PLRG1: variants seen among roughly 807,000 people sequenced by gnomAD.
PLRG1 encodes pleiotropic regulator 1 (PRL1 homolog, Arabidopsis).
A neutral mutation model predicts 74.9 loss-of-function variants in PLRG1; 28 were observed. That is an observed-to-expected ratio of 0.37 (90% CI 0.28 to 0.51). PLRG1 has a LOEUF of 0.51. Ranked by LOEUF, PLRG1 falls within the 20% of genes least tolerant of loss-of-function variation. The probability of loss-of-function intolerance (pLI) is 0.91; values close to 1 mark genes in which losing one functional copy is unlikely to be tolerated. For synonymous variants in PLRG1, 197 were observed against 212.4 expected, an observed-to-expected ratio of 0.93 and a Z score of 0.63; for missense variants, 445 against 631.9, an observed-to-expected ratio of 0.70 and a Z score of 3.17.
At position 154,537,999 on chromosome 4, in the gene PLRG1, C is replaced by A; in HGVS notation, c.1261G>T (p.Val421Leu). 1 of 1,529,412 alleles carries A rather than the reference C, an allele frequency of 6.5e-7. No individual in the cohort carries two copies. The highest frequency in any genetic ancestry group is 1.3e-5 in the South Asian group (1 of 76,136). The allele number at this position is 1,529,412 out of a possible 1,614,324, so 94.7% of individuals were successfully genotyped here. ...GATACAAGCACTCCATCAGAATTTA[C>A]CGTCAATGTGTTAATAATAGCATTA... ...GHNAIINTLT[V>L]NSDGVLVSGA... The change falls in exon 13 of 15, where the codon GTA becomes TTA. Residue 421 changes from valine (V) to leucine (L), a missense_variant. By Grantham distance (32) the Val-to-Leu change is conservative (BLOSUM62 1). Coordinates refer to ENST00000499023, the MANE Select transcript of PLRG1 (RefSeq NM_002669.4).
At chr4:154,542,415 T>C (rs1729571124) in intron 7 of PLRG1, 136 bp from the exon 8 acceptor site, 2 of 617,042 alleles carry the variant, frequency 3.2e-6, no homozygotes, top group Non-Finnish European at 5.9e-6. Context: ...TACAATAATA[T>C]GAAATTATCT....
At chr4:154,541,773 T>G (rs1199998033) in intron 8 of PLRG1, among the ~76,000 whole-genome samples, 1 of 152,168 alleles carries the variant, frequency 6.6e-6, no homozygotes, top group Non-Finnish European at 1.5e-5. Flanking sequence ...GAAAAGAGCT[T>G]AGAAGTGAAG....
intron 3 of PLRG1, 153 bp downstream of exon 3, chr4:154,547,558 G>C: frequency 1.5e-6 from 1 of 674,162 alleles, no homozygotes; most frequent in South Asian, 1.8e-5. Context: ...GTATTCCCAT[G>C]AGGATCAAAA....
intron 8 of PLRG1, 79 bp from the exon 9 acceptor site, chr4:154,541,013 G>A (rs1729546978): frequency 1.8e-6 from 2 of 1,090,318 alleles, no homozygotes; most frequent in East Asian, 5.4e-5. Flanking sequence ...TATTAAAACT[G>A]AGCTTTCAAA....
Position 154,536,531 on chromosome 4 carries a change from T to C in PLRG1, c.*154A>G, listed in dbSNP as rs534385051. ...GGGGTAGGGGACAGGGGACAGTTTA[T>C]TGTAAAATATGAAGCAGCAATGATT... On this transcript the variant is annotated 3_prime_UTR_variant, in exon 15 of 15. Transcript: ENST00000499023. 3.8e-5 allele frequency: 24 copies of C among 628,174 alleles called. No homozygotes were observed. Among genetic ancestry groups the C allele is most frequent in the East Asian group, 3.1e-4 (11 of 35,236 alleles). 38.9% of individuals were successfully genotyped at this position (628,174 alleles called of 1,614,324 possible).
At chr4:154,539,915 T>C (rs1293725391) in intron 11 of PLRG1, 36 bp downstream of exon 11, 1 of 958,406 alleles carries the variant, frequency 1.0e-6, no homozygotes, top group Non-Finnish European at 1.7e-6. Flanking sequence ...GATTCTGACA[T>C]GAATATTCTG....
At chr4:154,539,617 A>G (rs12645631) in intron 11 of PLRG1, among the ~76,000 whole-genome samples, 135,974 of 152,102 alleles carry the variant, frequency 0.89, 61,029 homozygotes, top group African/African-American at 0.97. Context: ...AGTTCTAAAG[A>G]TTACTAGTCT....
intron 1 of PLRG1, 45 bp downstream of exon 1, chr4:154,550,253 AAC>A (rs1418747066): frequency 1.3e-6 from 2 of 1,581,452 alleles, no homozygotes; most frequent in Admixed American, 1.7e-5. Context: ...TGCCAAAAAA[AAC>A]AGTCCAGAGA....
intron 14 of PLRG1, 36 bp from the exon 15 acceptor site, chr4:154,536,780 T>A (rs748273412): frequency 8.6e-7 from 1 of 1,159,116 alleles, no homozygotes; most frequent in East Asian, 2.4e-5. Flanking sequence ...TAAAGTATTA[T>A]TAGTTTGCTT....
intron 10 of PLRG1, chr4:154,540,372 A>C (rs1411565329): frequency 1.7e-6 from 1 of 586,632 alleles, no homozygotes; most frequent in African/African-American, 1.9e-5. Flanking sequence ...AGAATATCAC[A>C]TTTCAGGGGC....
Position 154,550,371 on chromosome 4 carries a change from C to G in PLRG1, c.-63G>C, listed in dbSNP as rs1379328133. ...CTCTAATCACTAACGCAGTACCCGCCGCCACAGCTGTGCAGCACCTTCCGG... is the reference window on the plus strand; with the variant it reads ...CTCTAATCACTAACGCAGTACCCGCGGCCACAGCTGTGCAGCACCTTCCGG... On this transcript the variant is annotated 5_prime_UTR_variant, in exon 1 of 15. Coordinates refer to ENST00000499023, the MANE Select transcript of PLRG1 (RefSeq NM_002669.4). 5 of 1,514,724 alleles carry G rather than the reference C, an allele frequency of 3.3e-6. No homozygotes were observed. In the African/African-American group the frequency reaches 6.9e-5, roughly 21 times the overall value. The allele number at this position is 1,514,724 out of a possible 1,614,324, so 93.8% of individuals were successfully genotyped here.
At chr4:154,547,976 T>C in intron 2 of PLRG1, 123 bp from the exon 3 acceptor site, 4 of 675,424 alleles carry the variant, frequency 5.9e-6, no homozygotes, top group Non-Finnish European at 7.1e-6. Flanking sequence ...TTTAAAAGAA[T>C]CAAAAATTTC....
intron 7 of PLRG1, among the ~76,000 whole-genome samples, chr4:154,544,232 A>G (rs1729607384): frequency 6.6e-6 from 1 of 152,162 alleles, no homozygotes; most frequent in East Asian, 1.9e-4. Flanking sequence ...TTGACATTTC[A>G]TACTATTTTA....
chr4:154,535,611 T>C lies in PLRG1; in HGVS notation c.*1074A>G, dbSNP rs1444001796. 2 of 151,542 alleles carry C rather than the reference T, an allele frequency of 1.3e-5. No individual in the cohort carries two copies. Among genetic ancestry groups the C allele is most frequent in the Non-Finnish European group, 2.9e-5 (2 of 67,804 alleles). 9.4% of individuals were successfully genotyped at this position (151,542 alleles called of 1,614,324 possible). A position where few individuals can be genotyped will look rare whatever the true frequency, so the allele number is the denominator to read the frequency against. On this transcript the variant is annotated 3_prime_UTR_variant, in exon 15 of 15. Coordinates refer to ENST00000499023, the MANE Select transcript of PLRG1 (RefSeq NM_002669.4). The stretch of plus-strand genomic sequence containing the variant: ...CTGTTCTTATAACTGTGTTTTCTAA[T>C]TATAGAAGGTGAAGTCTGACAAATC...
At chr4:154,542,309 C>A in intron 7 of PLRG1, 30 bp from the exon 8 acceptor site, 2 of 1,379,838 alleles carry the variant, frequency 1.4e-6, no homozygotes, top group Non-Finnish European at 1.0e-6. Flanking sequence ...ATGGGCAGGC[C>A]AACGTAGAAG....
Position 154,540,586 on chromosome 4 carries a change from C to A in PLRG1, c.939+8G>T. The A allele has an allele frequency of 6.3e-7, 1 of 1,578,416 alleles. No homozygotes were observed. The highest frequency in any genetic ancestry group is 8.7e-7 in the Non-Finnish European group (1 of 1,147,616). On this transcript the variant is annotated splice_region_variant and intron_variant, in intron 10 of 14. Transcript: ENST00000499023. ...TTACAGATAAATACACAACTCTATC[C>A]CATTTACCCGTGCAGTTGAATCTCG...
Position 154,540,202 on chromosome 4 carries a change from C to A in PLRG1, c.940-149G>T, listed in dbSNP as rs1228015823. ...TGCTTAAGTGAAAGATAATGATTTA[C>A]AAACTGGAGGACGAATATAAATAGG... On this transcript the variant is annotated intron_variant, in intron 10 of 14. Transcript: ENST00000499023. 2.3e-5 allele frequency: 14 copies of A among 601,826 alleles called. No homozygotes were observed. The East Asian group carries it at 3.9e-4, about 17-fold the overall frequency. The allele number at this position is 601,826 out of a possible 1,614,324, so 37.3% of individuals were successfully genotyped here.
In PLRG1 at chr4:154,535,279, T is replaced by A. The variant is rs1464594862; in HGVS notation, c.*1406A>T. On this transcript the variant is annotated 3_prime_UTR_variant, in exon 15 of 15. Coordinates refer to ENST00000499023, the MANE Select transcript of PLRG1 (RefSeq NM_002669.4). ...AACGAATACTTAGAAACAAATTGCA[T>A]AAAGGTACCATCTATTAAACCAGTC... 6.6e-6 allele frequency: 1 copy of A among 151,792 alleles called. No individual in the cohort carries two copies. Among genetic ancestry groups the A allele is most frequent in the Non-Finnish European group, 1.5e-5 (1 of 67,962 alleles). 9.4% of individuals were successfully genotyped at this position (151,792 alleles called of 1,614,324 possible). A position where few individuals can be genotyped will look rare whatever the true frequency, so the allele number is the denominator to read the frequency against.
Position 154,547,803 on chromosome 4 carries a change from A to G in PLRG1, c.167T>C (p.Leu56Ser), listed in dbSNP as rs1015989483. 1.1e-5 allele frequency: 18 copies of G among 1,612,626 alleles called. No homozygotes were observed. The Admixed American group carries it at 1.8e-4, about 16-fold the overall frequency. Reference sequence around the variant, plus strand: ...ATTTTCTTTTGAAGTAGGCATATGCAACACAGGACCATACTCATTACGAAG... The same window carrying G: ...ATTTTCTTTTGAAGTAGGCATATGCGACACAGGACCATACTCATTACGAAG... ...IKLRNEYGPV[L>S]HMPTSKENLK... The change falls in exon 3 of 15, where the codon TTG (leucine) becomes TCG (serine). Residue 56 changes from leucine (L) to serine (S), a missense_variant. This residue lies in a region of PLRG1 where 206 missense variants were observed against 210.8 expected (regional missense o/e 0.98). Coordinates refer to ENST00000499023, the MANE Select transcript of PLRG1 (RefSeq NM_002669.4).
Sources: gnomAD v4.1 joint callset for allele counts (sites outside exome capture counted in the v4.1 genomes callset) on GRCh38, gnomAD v4.1.1 for gene constraint, gnomAD v4.1.1 regional missense constraint, MANE v1.5 for transcripts, NCBI Gene and HGNC (gene_info 2026-07-23, HGNC 2026-07-21) for gene names.